ZNF69: variants seen among roughly 807,000 people sequenced by gnomAD.
The protein encoded by ZNF69 is zinc finger protein 69.
A neutral mutation model predicts 50.9 loss-of-function variants in ZNF69; 47 were observed. The ratio of observed to expected loss-of-function variants is 0.92; its 90% CI spans 0.73 to 1.18. The LOEUF (loss-of-function observed/expected upper bound fraction) is 1.18. ZNF69 is among the 50% of genes most tolerant of loss of function. The probability of loss-of-function intolerance (pLI) is 0.00; values close to 1 mark genes in which losing one functional copy is unlikely to be tolerated. For missense variants in ZNF69, 717 were observed against 675.1 expected, an observed-to-expected ratio of 1.06 and a Z score of -0.69; for synonymous variants, 216 against 223.1, an observed-to-expected ratio of 0.97 and a Z score of 0.29.
chr19:11,901,144 G>T, intron 1 of ZNF69, among the ~76,000 whole-genome samples: 2 of 151,916 alleles, frequency 1.3e-5, no homozygotes, highest in Middle Eastern at 6.8e-3. Flanking sequence ...TGAACTGAGG[G>T]GCTCAAATGA....
chr19:11,890,489 C>G (rs1977058811), intron 1 of ZNF69, among the ~76,000 whole-genome samples: 1 of 152,212 alleles, frequency 6.6e-6, no homozygotes, highest in Non-Finnish European at 1.5e-5. Flanking sequence ...GCTAAAGTTA[C>G]AGATTAACAG....
Position 11,887,891 on chromosome 19 carries a change from TG to T in ZNF69, c.-32del. ...AGCCCCGAGAGGGACCTGGTTCCTC[TG>T]CCCAGGCTTCTGTCACTCTGTCACC... is the stretch of plus-strand genomic sequence containing the variant. On this transcript the variant is annotated 5_prime_UTR_variant, in exon 1 of 4. Coordinates refer to ENST00000429654, the MANE Select transcript of ZNF69 (RefSeq NM_001364730.1). The T allele has an allele frequency of 6.2e-7, 1 of 1,601,444 alleles. No homozygotes were observed.
the ZNF69 span, among the ~76,000 whole-genome samples, chr19:11,927,771 A>G: frequency 6.6e-6 from 1 of 152,150 alleles, no homozygotes; most frequent in East Asian, 1.9e-4. Context: ...TGGGAGTGTA[A>G]GGATACTTGC....
At chr19:11,947,611 G>C in the ZNF69 span, 1 of 1,560,620 alleles carries the variant, frequency 6.4e-7, no homozygotes, top group Non-Finnish European at 8.8e-7. Flanking sequence ...GTGTCTCTCT[G>C]CACAATCTTA....
At chr19:11,894,694 G>A (rs981191652) in intron 1 of ZNF69, among the ~76,000 whole-genome samples, 1 of 152,146 alleles carries the variant, frequency 6.6e-6, no homozygotes, top group African/African-American at 2.4e-5. Flanking sequence ...GCCTTACGAT[G>A]GAAGGAGACT....
chr19:11,930,109 C>T, the ZNF69 span, among the ~76,000 whole-genome samples: 1 of 148,192 alleles, frequency 6.7e-6, no homozygotes, highest in Non-Finnish European at 1.5e-5. Context: ...AGCTGAATGA[C>T]TAGTGGTGGA....
At chr19:11,950,488 C>A in the ZNF69 span, 1 of 653,274 alleles carries the variant, frequency 1.5e-6, no homozygotes, top group South Asian at 1.7e-5. Context: ...TATTCTAGTT[C>A]CGTTTGATAT....
At chr19:11,957,069 T>G in the ZNF69 span, among the ~76,000 whole-genome samples, 1 of 151,636 alleles carries the variant, frequency 6.6e-6, no homozygotes, top group Admixed American at 6.6e-5. Flanking sequence ...GTGAAACAAA[T>G]GTAGGTTTCA....
chr19:11,931,246 T>A, the ZNF69 span, among the ~76,000 whole-genome samples: 1 of 147,980 alleles, frequency 6.8e-6, no homozygotes, highest in Non-Finnish European at 1.5e-5. Context: ...GAAGTCCATC[T>A]TCAGAGAGCT....
At chr19:11,906,908 C>CTTG (rs1972385489), downstream of ZNF69, among the ~76,000 whole-genome samples, 3 of 152,090 alleles carry the variant, frequency 2.0e-5, no homozygotes. Flanking sequence ...GAACCCATCA[C>CTTG]AAAGAAGCTA....
the ZNF69 span, among the ~76,000 whole-genome samples, chr19:11,971,976 C>A: frequency 6.6e-6 from 1 of 151,666 alleles, no homozygotes; most frequent in South Asian, 2.1e-4. Context: ...GCAGGAGAAT[C>A]GCTTGAACCC....
chr19:11,958,478 T>G, the ZNF69 span, among the ~76,000 whole-genome samples: 2 of 152,186 alleles, frequency 1.3e-5, no homozygotes, highest in Non-Finnish European at 2.9e-5. Context: ...GCACCACACA[T>G]CTGGTGTCAG....
At chr19:11,923,857 G>A in the ZNF69 span, among the ~76,000 whole-genome samples, 1 of 152,198 alleles carries the variant, frequency 6.6e-6, no homozygotes, top group African/African-American at 2.4e-5. Flanking sequence ...CCACGTTGAG[G>A]ACAGTCTCTG....
chr19:11,964,921 T>C, the ZNF69 span: 3 of 433,182 alleles, frequency 6.9e-6, no homozygotes, highest in East Asian at 9.1e-5. Flanking sequence ...CCGGGCCTGA[T>C]ACCCAAGGCT....
chr19:11,905,628 A>G lies in ZNF69; in HGVS notation c.1231A>G (p.Thr411Ala), dbSNP rs747577908. 8.7e-6 allele frequency: 14 copies of G among 1,613,988 alleles called. No homozygotes were observed. The highest frequency in any genetic ancestry group is 1.2e-5 in the Non-Finnish European group (14 of 1,180,022). ...SSLRYHERIH[T>A]GEKPYECKQC... ...CCTTCGTTATCATGAAAGGATTCAC[A>G]CTGGAGAGAAACCCTATGAGTGTAA... Residue 411 changes from threonine (T) to alanine (A), a missense_variant, in exon 4 of 4, where the codon ACT becomes GCT. By Grantham distance (58) the Thr-to-Ala change is moderately conservative (BLOSUM62 0). Coordinates refer to ENST00000429654, the MANE Select transcript of ZNF69 (RefSeq NM_001364730.1).
At chr19:11,966,053 T>C in the ZNF69 span, among the ~76,000 whole-genome samples, 1 of 152,144 alleles carries the variant, frequency 6.6e-6, no homozygotes, top group African/African-American at 2.4e-5. Flanking sequence ...GCCACTTGAT[T>C]CCATCCCAGC....
chr19:11,949,409 G>C, the ZNF69 span: 1 of 1,612,812 alleles, frequency 6.2e-7, no homozygotes, highest in Non-Finnish European at 8.5e-7. Flanking sequence ...TCACACCTTC[G>C]AGTGCATGGT....
the ZNF69 span, among the ~76,000 whole-genome samples, chr19:11,928,605 G>A: frequency 1.1e-4 from 17 of 148,420 alleles, no homozygotes; most frequent in South Asian, 2.1e-4. Flanking sequence ...AGTGGCGGGC[G>A]CCTGTAGTCC....
At chr19:11,925,113 C>T in the ZNF69 span, 10 of 1,470,698 alleles carry the variant, frequency 6.8e-6, no homozygotes, top group African/African-American at 4.2e-5. Flanking sequence ...CTTTCCTCAC[C>T]TTCCTCGCTG....
Sources: allele counts gnomAD v4.1 joint callset (sites outside exome capture counted in the v4.1 genomes callset), GRCh38; gene constraint gnomAD v4.1.1; transcripts MANE v1.5; gene names NCBI Gene and HGNC (gene_info 2026-07-23, HGNC 2026-07-21).